RBMS3: variants seen among roughly 807,000 people sequenced by gnomAD.
The protein encoded by RBMS3 is RNA binding motif single stranded interacting protein 3.
RBMS3 carries 27 observed loss-of-function variants against 66.8 expected under a neutral mutation model. The observed-to-expected ratio is 0.40, with a 90% confidence interval of 0.30 to 0.56. The LOEUF (loss-of-function observed/expected upper bound fraction) is 0.56, where lower values mean the gene tolerates loss of function less well. Among genes scored for constraint, RBMS3 ranks in the 20% least tolerant of loss-of-function variants. The pLI, the probability that RBMS3 is intolerant of heterozygous loss-of-function variation, is 0.40. For missense variants in RBMS3, 513 were observed against 549.5 expected, an observed-to-expected ratio of 0.93 and a Z score of 0.66; for synonymous variants, 188 against 183.0, an observed-to-expected ratio of 1.03 and a Z score of -0.22.
chr3:29,526,721 A>T (rs2045126639), intron 3 of RBMS3, among the ~76,000 whole-genome samples: 1 of 151,944 alleles, frequency 6.6e-6, no homozygotes. Context: ...TTCTACACTT[A>T]GTCTTTATTT....
chr3:29,628,367 C>T (rs576723275), intron 4 of RBMS3, among the ~76,000 whole-genome samples: 4 of 152,242 alleles, frequency 2.6e-5, no homozygotes, highest in East Asian at 1.9e-4. Flanking sequence ...CTGGCTGTGT[C>T]AGTGATTCTC....
intron 4 of RBMS3, among the ~76,000 whole-genome samples, chr3:29,706,773 C>G (rs969461687): frequency 2.6e-5 from 4 of 152,178 alleles, no homozygotes; most frequent in African/African-American, 9.7e-5. Flanking sequence ...GTATTTTTCC[C>G]AGAAACCTTT....
chr3:29,709,072 G>A (rs1036152206), intron 4 of RBMS3, among the ~76,000 whole-genome samples: 9 of 152,278 alleles, frequency 5.9e-5, no homozygotes, highest in Admixed American at 3.3e-4. Flanking sequence ...CTGCGTCACA[G>A]CTTGCGTTCT....
At chr3:29,411,004 A>C (rs2040245618) in intron 1 of RBMS3, among the ~76,000 whole-genome samples, 1 of 151,386 alleles carries the variant, frequency 6.6e-6, no homozygotes. Flanking sequence ...ACATGTAAGC[A>C]ATTGGAAAAG....
intron 4 of RBMS3, among the ~76,000 whole-genome samples, chr3:29,690,893 GA>G (rs1182550753): frequency 6.6e-6 from 1 of 152,138 alleles, no homozygotes; most frequent in African/African-American, 2.4e-5. Flanking sequence ...TTAACTCATG[GA>G]ACTGAAAATC....
chr3:29,593,862 A>G (rs890388242), intron 4 of RBMS3, among the ~76,000 whole-genome samples: 3 of 152,218 alleles, frequency 2.0e-5, no homozygotes, highest in Non-Finnish European at 4.4e-5. Flanking sequence ...ACTGTTATAC[A>G]AAGAGATATA....
At chr3:29,554,973 T>C (rs373750280) in intron 3 of RBMS3, among the ~76,000 whole-genome samples, 4 of 152,218 alleles carry the variant, frequency 2.6e-5, no homozygotes, top group African/African-American at 9.6e-5. Context: ...AGAAGACTTA[T>C]ATCCCTGTTA....
chr3:29,515,887 C>T (rs752731351), intron 3 of RBMS3, among the ~76,000 whole-genome samples: 3 of 152,154 alleles, frequency 2.0e-5, no homozygotes, highest in African/African-American at 7.2e-5. Context: ...GTAACATGGT[C>T]GTGGGTTCTT....
At chr3:29,347,615 C>T (rs1036067549) in intron 1 of RBMS3, among the ~76,000 whole-genome samples, 6 of 152,112 alleles carry the variant, frequency 3.9e-5, no homozygotes, top group South Asian at 2.1e-4. Flanking sequence ...GTGGATTCCA[C>T]GCAGTTTCCA....
intron 4 of RBMS3, among the ~76,000 whole-genome samples, chr3:29,731,738 T>C (rs112898998): frequency 0.019 from 2,962 of 152,200 alleles, 114 homozygotes; most frequent in African/African-American, 0.067. Flanking sequence ...CATAGCAATA[T>C]AGATTTGACA....
chr3:29,652,125 C>A (rs2050165122), intron 4 of RBMS3, among the ~76,000 whole-genome samples: 1 of 152,056 alleles, frequency 6.6e-6, no homozygotes, highest in Non-Finnish European at 1.5e-5. Flanking sequence ...TCATCCCGAA[C>A]AATTTAGAAA....
intron 5 of RBMS3, among the ~76,000 whole-genome samples, chr3:29,749,866 A>C (rs1037643253): frequency 3.3e-5 from 5 of 152,208 alleles, no homozygotes; most frequent in African/African-American, 9.6e-5. Context: ...ACCAAAAAAC[A>C]AACACATTCT....
chr3:29,989,797 C>A (rs2149798483), intron 13 of RBMS3, among the ~76,000 whole-genome samples: 1 of 152,172 alleles, frequency 6.6e-6, no homozygotes, highest in South Asian at 2.1e-4. Flanking sequence ...ATTTCATGTT[C>A]TTTGGTATAT....
intron 8 of RBMS3, among the ~76,000 whole-genome samples, chr3:29,893,616 C>A (rs1227290095): frequency 6.6e-6 from 1 of 151,478 alleles, no homozygotes; most frequent in Non-Finnish European, 1.5e-5. Flanking sequence ...CACTGCCTTA[C>A]AAATAAGATC....
rs1699866739 is a variant in RBMS3 at position 30,008,514 on chromosome 3, A to T, written c.*4652A>T. ...TCTATATTACTTTGTCTTCAGTAAAAAGTGAAGGATGAGATTTTGTCTTTC... is the reference window on the plus strand; with the variant it reads ...TCTATATTACTTTGTCTTCAGTAAATAGTGAAGGATGAGATTTTGTCTTTC... On this transcript the variant is annotated 3_prime_UTR_variant, in exon 15 of 15. Transcript: ENST00000383767. 6.6e-6 allele frequency: 1 copy of T among 152,096 alleles called. No individual in the cohort carries two copies. Among genetic ancestry groups the T allele is most frequent in the Non-Finnish European group, 1.5e-5 (1 of 67,958 alleles). 9.4% of individuals were successfully genotyped at this position (152,096 alleles called of 1,614,324 possible).
intron 3 of RBMS3, among the ~76,000 whole-genome samples, chr3:29,577,929 A>ATCT (rs1194938559): frequency 6.6e-5 from 10 of 152,294 alleles, no homozygotes; most frequent in African/African-American, 2.2e-4. Flanking sequence ...GTGTGCAGAT[A>ATCT]GTTGCTAAAA....
intron 3 of RBMS3, among the ~76,000 whole-genome samples, chr3:29,578,397 G>T (rs931316361): frequency 6.6e-6 from 1 of 152,088 alleles, no homozygotes; most frequent in Admixed American, 6.5e-5. Context: ...CTAATACTTA[G>T]TTAAACTTGT....
chr3:29,620,363 A>G (rs998721415), intron 4 of RBMS3, among the ~76,000 whole-genome samples: 1 of 152,078 alleles, frequency 6.6e-6, no homozygotes, highest in Admixed American at 6.5e-5. Context: ...TGTTTGCACA[A>G]TTTTTGAGTC....
At chr3:29,541,875 C>G (rs2045777030) in intron 3 of RBMS3, among the ~76,000 whole-genome samples, 1 of 152,110 alleles carries the variant, frequency 6.6e-6, no homozygotes, top group Admixed American at 6.6e-5. Context: ...CAATGCCCCT[C>G]CTTGGTGTAC....
Sources: allele counts gnomAD v4.1 joint callset (sites outside exome capture counted in the v4.1 genomes callset), GRCh38; gene constraint gnomAD v4.1.1; transcripts MANE v1.5; gene names NCBI Gene and HGNC (gene_info 2026-07-23, HGNC 2026-07-21).